The following LPP variants were observed in gnomAD, a reference collection of about 807,000 sequenced individuals.
The protein encoded by LPP is lipoma-preferred partner.
LPP carries 38 observed loss-of-function variants against 60.4 expected under a neutral mutation model. That is an observed-to-expected ratio of 0.63 (90% CI 0.49 to 0.83). The LOEUF (loss-of-function observed/expected upper bound fraction) is 0.83. LPP is among the 40% of genes least tolerant of loss of function. The pLI is 0.00. For missense variants in LPP, 902 were observed against 783.6 expected (o/e 1.15, Z -1.80); for synonymous variants, 328 against 290.8 (o/e 1.13, Z -1.30).
At chr3:188,849,842 T>G (rs1762324261) in intron 9 of LPP, among the ~76,000 whole-genome samples, 1 of 152,228 alleles carries the variant, frequency 6.6e-6, no homozygotes, top group South Asian at 2.1e-4. Flanking sequence ...GTTTCCTTCT[T>G]TCTCCTCACT....
chr3:188,177,621 G>C (rs539520379), intron 1 of LPP, among the ~76,000 whole-genome samples: 1 of 152,272 alleles, frequency 6.6e-6, no homozygotes, highest in Non-Finnish European at 1.5e-5. Context: ...TAGGTCTTAC[G>C]TGAGCCTCAG....
intron 2 of LPP, among the ~76,000 whole-genome samples, chr3:188,262,724 T>C (rs1329759474): frequency 6.6e-6 from 1 of 151,724 alleles, no homozygotes; most frequent in African/African-American, 2.4e-5. Flanking sequence ...TGTCTTTCTC[T>C]CTCTGTCTCA....
At chr3:188,679,403 CTTA>C (rs1173690681) in intron 7 of LPP, among the ~76,000 whole-genome samples, 1 of 152,002 alleles carries the variant, frequency 6.6e-6, no homozygotes, top group Non-Finnish European at 1.5e-5. Context: ...TGTCCTTTCA[CTTA>C]TTATTAAAAT....
intron 2 of LPP, among the ~76,000 whole-genome samples, chr3:188,252,980 C>T (rs1369532727): frequency 1.3e-5 from 2 of 151,700 alleles, no homozygotes; most frequent in East Asian, 3.9e-4. Flanking sequence ...GCCATGTTGG[C>T]CAGGCTGGTC....
At chr3:188,726,459 G>A (rs2149966994) in intron 8 of LPP, among the ~76,000 whole-genome samples, 1 of 152,236 alleles carries the variant, frequency 6.6e-6, no homozygotes, top group South Asian at 2.1e-4. Context: ...ACTGTTCTAA[G>A]CATTGGTGCT....
chr3:188,462,576 ATATATATATGCATG>A (rs1799302689), intron 4 of LPP, among the ~76,000 whole-genome samples: 2 of 57,804 alleles, frequency 3.5e-5, no homozygotes, highest in Admixed American at 2.2e-4. Flanking sequence ...ATATATATAT[ATATATATATGCATG>A]TGTGTGTGTG....
intron 9 of LPP, among the ~76,000 whole-genome samples, chr3:188,825,796 T>C (rs758385870): frequency 4.6e-5 from 7 of 152,134 alleles, no homozygotes; most frequent in Non-Finnish European, 7.4e-5. Flanking sequence ...TTTTGCCAGA[T>C]ACTTAAGATT....
At chr3:188,668,332 T>A (rs888185228) in intron 7 of LPP, among the ~76,000 whole-genome samples, 1 of 152,208 alleles carries the variant, frequency 6.6e-6, no homozygotes. Context: ...TAGGAAATCA[T>A]TTAGTTTACA....
intron 7 of LPP, among the ~76,000 whole-genome samples, chr3:188,671,529 A>G (rs1400677992): frequency 6.6e-6 from 1 of 152,194 alleles, no homozygotes; most frequent in Non-Finnish European, 1.5e-5. Context: ...CTACATCAAT[A>G]GGAAGATTAC....
intron 7 of LPP, among the ~76,000 whole-genome samples, chr3:188,698,128 A>T (rs1201625944): frequency 1.3e-5 from 2 of 151,840 alleles, no homozygotes; most frequent in African/African-American, 4.8e-5. Context: ...TTTTCCCGAC[A>T]TTAGAGCAAC....
intron 2 of LPP, among the ~76,000 whole-genome samples, chr3:188,313,498 T>A (rs965875145): frequency 6.6e-6 from 1 of 152,016 alleles, no homozygotes; most frequent in African/African-American, 2.4e-5. Flanking sequence ...ATTAGCCAAG[T>A]GTGGTGGCGG....
chr3:188,641,916 C>A (rs1466000626), intron 7 of LPP, among the ~76,000 whole-genome samples: 1 of 152,142 alleles, frequency 6.6e-6, no homozygotes, highest in East Asian at 1.9e-4. Context: ...GGTCTTTGAT[C>A]CTTAGCCTCT....
chr3:188,462,586 GC>G (rs1799335483), intron 4 of LPP, among the ~76,000 whole-genome samples: 1 of 14,328 alleles, frequency 7.0e-5, no homozygotes, highest in African/African-American at 2.5e-4. Flanking sequence ...ATATATATAT[GC>G]ATGTGTGTGT....
chr3:188,396,665 C>G (rs1235955007), intron 3 of LPP, among the ~76,000 whole-genome samples: 1 of 152,212 alleles, frequency 6.6e-6, no homozygotes, highest in Non-Finnish European at 1.5e-5. Flanking sequence ...GAATTAGGCA[C>G]TTAGCGTCTC....
In LPP at chr3:188,886,782, G is replaced by A. The variant is rs770817054; in HGVS notation, c.*12303G>A. ...CACACACACCCCTTCCAAGAAAGCT[G>A]ATCCTTCAGAAAATAAATCTTATTT... On this transcript the variant is annotated 3_prime_UTR_variant, in exon 12 of 12. Transcript: ENST00000617246. 215 of 209,998 alleles carry A rather than the reference G, an allele frequency of 1.0e-3. 1 individual carries two copies. Among genetic ancestry groups the A allele is most frequent in the Middle Eastern group, 3.0e-3 (2 of 670 alleles). 13.0% of individuals were successfully genotyped at this position (209,998 alleles called of 1,614,324 possible).
At chr3:188,350,724 C>T (rs573683599) in intron 3 of LPP, among the ~76,000 whole-genome samples, 1 of 152,182 alleles carries the variant, frequency 6.6e-6, no homozygotes, top group Non-Finnish European at 1.5e-5. Context: ...TTATATTCTT[C>T]TTACTGTCCA....
chr3:188,735,758 A>G (rs1460193802), intron 8 of LPP, among the ~76,000 whole-genome samples: 1 of 152,192 alleles, frequency 6.6e-6, no homozygotes, highest in Non-Finnish European at 1.5e-5. Context: ...TGTCAGACAT[A>G]TGGAGTTTCA....
At chr3:188,350,778 T>C (rs1364699911) in intron 3 of LPP, among the ~76,000 whole-genome samples, 3 of 152,234 alleles carry the variant, frequency 2.0e-5, no homozygotes, top group East Asian at 1.9e-4. Flanking sequence ...ATTATTATTC[T>C]AGTTTTTAAT....
intron 2 of LPP, among the ~76,000 whole-genome samples, chr3:188,337,180 C>T (rs947346192): frequency 5.3e-5 from 8 of 152,244 alleles, no homozygotes; most frequent in South Asian, 2.1e-4. Context: ...GGTGGTTCAA[C>T]GGTAGCTTAG....
Sources: gnomAD v4.1 joint callset for allele counts (sites outside exome capture counted in the v4.1 genomes callset) on GRCh38, gnomAD v4.1.1 for gene constraint, MANE v1.5 for transcripts, NCBI Gene and HGNC (gene_info 2026-07-23, HGNC 2026-07-21) for gene names.